The following LUZP2 variants were observed in gnomAD, a reference collection of about 807,000 sequenced individuals.
LUZP2 encodes leucine zipper protein 2.
LUZP2 carries 52 observed loss-of-function variants against 51.6 expected under a neutral mutation model. The ratio of observed to expected loss-of-function variants is 1.01; its 90% confidence interval spans 0.81 to 1.27. The LOEUF (loss-of-function observed/expected upper bound fraction) is 1.27, where lower values mean the gene tolerates loss of function less well. Among genes scored for constraint, LUZP2 ranks in the 50% most tolerant of loss-of-function variants. The probability of loss-of-function intolerance (pLI) is 0.00; values close to 1 mark genes in which losing one functional copy is unlikely to be tolerated. For synonymous variants in LUZP2, 154 were observed against 137.3 expected (o/e 1.12, Z -0.85); for missense variants, 436 against 395.4 (o/e 1.10, Z -0.87).
At chr11:24,779,586 A>G (rs1457213284) in intron 5 of LUZP2, among the ~76,000 whole-genome samples, 1 of 152,228 alleles carries the variant, frequency 6.6e-6, no homozygotes, top group African/African-American at 2.4e-5. Flanking sequence ...CAGGCTAAAT[A>G]TTACTCGTGG....
intron 5 of LUZP2, among the ~76,000 whole-genome samples, chr11:24,903,330 T>A (rs2133782916): frequency 6.6e-6 from 1 of 152,348 alleles, no homozygotes; most frequent in East Asian, 1.9e-4. Flanking sequence ...CTCCCATTTG[T>A]GTAAAACATT....
chr11:24,672,242 G>C (rs1211325988), intron 1 of LUZP2, among the ~76,000 whole-genome samples: 1 of 152,074 alleles, frequency 6.6e-6, no homozygotes, highest in East Asian at 1.9e-4. Flanking sequence ...GTTTCTTTGA[G>C]AGTAGTTACA....
At chr11:24,917,035 G>A (rs1853811115) in intron 7 of LUZP2, among the ~76,000 whole-genome samples, 1 of 152,154 alleles carries the variant, frequency 6.6e-6, no homozygotes, top group South Asian at 2.1e-4. Flanking sequence ...TCTAACTGGT[G>A]TGAGATGCTA....
chr11:24,909,055 C>T (rs1423985074), intron 6 of LUZP2, among the ~76,000 whole-genome samples: 1 of 151,716 alleles, frequency 6.6e-6, no homozygotes, highest in Non-Finnish European at 1.5e-5. Context: ...GCCACCGCAC[C>T]CAGCCAGGAT....
chr11:24,517,483 C>CAAAAAAAAAAAAAAAAAAAAAAA (rs71041768), intron 1 of LUZP2, among the ~76,000 whole-genome samples: 5 of 44,142 alleles, frequency 1.1e-4, no homozygotes, highest in African/African-American at 1.7e-4. Flanking sequence ...CAGACGCCGT[C>CAAAAAAAAAAAAAAAAAAAAAAA]AAAAAAAAAA....
At chr11:24,917,556 T>C (rs1480754733) in intron 7 of LUZP2, among the ~76,000 whole-genome samples, 1 of 152,162 alleles carries the variant, frequency 6.6e-6, no homozygotes, top group Non-Finnish European at 1.5e-5. Context: ...TACATATGGC[T>C]AGCCAGTTTT....
At chr11:24,558,342 T>C (rs1851933246) in intron 1 of LUZP2, among the ~76,000 whole-genome samples, 1 of 151,356 alleles carries the variant, frequency 6.6e-6, no homozygotes, top group Non-Finnish European at 1.5e-5. Flanking sequence ...TCGGACTTCA[T>C]AATAAAGTGA....
chr11:24,896,685 G>A (rs1269444016), intron 5 of LUZP2, among the ~76,000 whole-genome samples: 2 of 152,240 alleles, frequency 1.3e-5, no homozygotes, highest in Non-Finnish European at 2.9e-5. Flanking sequence ...GAGTGCGGGT[G>A]CACCCTACGG....
intron 10 of LUZP2, among the ~76,000 whole-genome samples, chr11:25,069,857 G>T (rs1238802950): frequency 6.6e-6 from 1 of 151,314 alleles, no homozygotes; most frequent in East Asian, 1.9e-4. Context: ...TTTGTTGTTA[G>T]GAACTCTTAT....
intron 9 of LUZP2, among the ~76,000 whole-genome samples, chr11:25,020,379 T>C (rs1211812346): frequency 1.3e-5 from 2 of 152,126 alleles, no homozygotes; most frequent in Admixed American, 6.6e-5. Flanking sequence ...CCTATTGTCT[T>C]CCAGAAAAGC....
chr11:24,696,280 A>C (rs1486694287), intron 1 of LUZP2, among the ~76,000 whole-genome samples: 1 of 152,110 alleles, frequency 6.6e-6, no homozygotes, highest in Non-Finnish European at 1.5e-5. Flanking sequence ...ATCTTCTGAC[A>C]AGGATGTGTC....
At chr11:24,698,104 T>C (rs1857303771) in intron 1 of LUZP2, among the ~76,000 whole-genome samples, 1 of 152,204 alleles carries the variant, frequency 6.6e-6, no homozygotes, top group African/African-American at 2.4e-5. Context: ...AAATATCTCC[T>C]GTCATTCCAC....
At chr11:24,855,287 C>A (rs1189557583) in intron 5 of LUZP2, among the ~76,000 whole-genome samples, 1 of 151,942 alleles carries the variant, frequency 6.6e-6, no homozygotes, top group Non-Finnish European at 1.5e-5. Context: ...TTTCAGGATA[C>A]AAAATAAACC....
intron 1 of LUZP2, among the ~76,000 whole-genome samples, chr11:24,559,452 C>G (rs1310401377): frequency 2.0e-5 from 3 of 152,248 alleles, no homozygotes; most frequent in Middle Eastern, 3.4e-3. Flanking sequence ...AAGCATTAAC[C>G]TTGCTCATAA....
chr11:24,853,357 T>G (rs1438532825), intron 5 of LUZP2, among the ~76,000 whole-genome samples: 4 of 151,964 alleles, frequency 2.6e-5, no homozygotes, highest in Non-Finnish European at 5.9e-5. Context: ...GATATAAAAT[T>G]CTTCATTAAG....
intron 5 of LUZP2, among the ~76,000 whole-genome samples, chr11:24,867,571 G>T (rs1488036936): frequency 6.6e-6 from 1 of 152,076 alleles, no homozygotes; most frequent in Non-Finnish European, 1.5e-5. Flanking sequence ...CCTTTGGCTG[G>T]ACTGTTTAAC....
At position 24,771,765 on chromosome 11, in the gene LUZP2, C is replaced by T. The variant is rs370580372; in HGVS notation, c.396+8457C>T. ...ATTGAATCATGGGGGCAGTTTTCCC[C>T]GTACTGTTCTCCCAGTAGTGAATAA... On this transcript the variant is annotated intron_variant, in intron 5 of 11. Transcript: ENST00000336930. Among the ~76,000 whole-genome samples, 50 of 152,120 alleles carry T rather than the reference C, an allele frequency of 3.3e-4. No homozygotes were observed. The Middle Eastern group carries it at 0.01, about 31-fold the overall frequency.
chr11:24,755,756 T>C (rs756646552), intron 4 of LUZP2, among the ~76,000 whole-genome samples: 6 of 152,304 alleles, frequency 3.9e-5, no homozygotes, highest in South Asian at 2.1e-4. Flanking sequence ...ACAGACTCTT[T>C]GTAGCAATTA....
Position 24,771,105 on chromosome 11 carries a change from AT to A in LUZP2, c.396+7801del, listed in dbSNP as rs534428717. On this transcript the variant is annotated intron_variant, in intron 5 of 11. Transcript: ENST00000336930. ...ACCTAGAGCCGCAATGAATTTTCAG[AT>A]TTTGTTTATTTTTATTTGTCTGCTT... is the stretch of plus-strand genomic sequence containing the variant. Among the ~76,000 whole-genome samples the A allele has an allele frequency of 3.7e-3, 569 of 152,234 alleles. 2 individuals are homozygous for A. Among genetic ancestry groups the A allele is most frequent in the Non-Finnish European group, 6.0e-3 (406 of 67,998 alleles).
Sources: allele counts gnomAD v4.1 joint callset (sites outside exome capture counted in the v4.1 genomes callset), GRCh38; gene constraint gnomAD v4.1.1; transcripts MANE v1.5; gene names NCBI Gene and HGNC (gene_info 2026-07-23, HGNC 2026-07-21).